Variants in RCL1 observed in about 807,000 individuals in gnomAD.
RCL1 encodes RNA 3'-terminal phosphate cyclase-like protein.
In RCL1, 24 loss-of-function variants were observed where a neutral mutation model predicts 42.4. The observed-to-expected ratio is 0.57, with a 90% CI of 0.41 to 0.80. RCL1 has a LOEUF of 0.80. Ranked by LOEUF, RCL1 falls within the 30% of genes least tolerant of loss-of-function variation. The probability of loss-of-function intolerance (pLI) is 0.00; values close to 1 mark genes in which losing one functional copy is unlikely to be tolerated. For synonymous variants in RCL1, 228 were observed against 177.3 expected, an observed-to-expected ratio of 1.29 and a Z score of -2.27; for missense variants, 578 against 467.9, an observed-to-expected ratio of 1.24 and a Z score of -2.17.
intron 1 of RCL1, among the ~76,000 whole-genome samples, chr9:4,818,890 A>G (rs933114351): frequency 6.7e-6 from 1 of 149,608 alleles, no homozygotes; most frequent in Non-Finnish European, 1.5e-5. Flanking sequence ...AAAAAAAAAG[A>G]AAAAGAAATT....
chr9:4,826,094 G>A (rs1281091247), intron 2 of RCL1, among the ~76,000 whole-genome samples: 4 of 151,206 alleles, frequency 2.6e-5, no homozygotes, highest in Admixed American at 1.3e-4. Flanking sequence ...AAGAAAGAAA[G>A]AAAGAAAAAG....
chr9:4,807,615 G>A (rs765859818), intron 1 of RCL1, among the ~76,000 whole-genome samples: 1 of 152,138 alleles, frequency 6.6e-6, no homozygotes, highest in Non-Finnish European at 1.5e-5. Flanking sequence ...CGCCTCCCGG[G>A]TTCAAGTGAT....
intron 7 of RCL1, among the ~76,000 whole-genome samples, chr9:4,847,543 C>G (rs1817564472): frequency 6.6e-6 from 1 of 152,322 alleles, no homozygotes; most frequent in Admixed American, 6.5e-5. Context: ...TCACTGCCTG[C>G]CTCCCTGCTC....
At chr9:4,829,420 A>T (rs1265624131) in intron 3 of RCL1, among the ~76,000 whole-genome samples, 1 of 152,228 alleles carries the variant, frequency 6.6e-6, no homozygotes, top group Non-Finnish European at 1.5e-5. Context: ...CGTAAAGATC[A>T]TTCCCATTTG....
chr9:4,809,905 C>T (rs189058293), intron 1 of RCL1, among the ~76,000 whole-genome samples: 69 of 152,234 alleles, frequency 4.5e-4, no homozygotes, highest in Non-Finnish European at 8.4e-4. Context: ...CAACTTCCAC[C>T]TCCTGGGTTC....
intron 8 of RCL1, among the ~76,000 whole-genome samples, chr9:4,857,154 T>C (rs1817987981): frequency 6.6e-6 from 1 of 152,222 alleles, no homozygotes. Flanking sequence ...AAAGGTTTTT[T>C]AGTGTATTCA....
chr9:4,811,113 A>T (rs927562902), intron 1 of RCL1, among the ~76,000 whole-genome samples: 1 of 151,972 alleles, frequency 6.6e-6, no homozygotes. Flanking sequence ...CCCCATCTCC[A>T]CAAAAATAAA....
intron 6 of RCL1, among the ~76,000 whole-genome samples, chr9:4,842,047 C>T (rs987549994): frequency 6.6e-6 from 1 of 152,176 alleles, no homozygotes; most frequent in Non-Finnish European, 1.5e-5. Context: ...ACAGTGAACA[C>T]GGAGATATAC....
chr9:4,793,358 C>G, intron 1 of RCL1, 131 bp downstream of exon 1: 3 of 1,027,150 alleles, frequency 2.9e-6, no homozygotes, highest in Non-Finnish European at 3.9e-6. Flanking sequence ...GGGCAGGTGG[C>G]GCGTCGCCTC....
At chr9:4,815,350 TCA>T (rs1374530485) in intron 1 of RCL1, among the ~76,000 whole-genome samples, 1 of 152,222 alleles carries the variant, frequency 6.6e-6, no homozygotes, top group African/African-American at 2.4e-5. Context: ...AGACTTATCT[TCA>T]AGTTCAGAGA....
At chr9:4,805,671 C>T (rs1362560620) in intron 1 of RCL1, among the ~76,000 whole-genome samples, 1 of 152,058 alleles carries the variant, frequency 6.6e-6, no homozygotes, top group African/African-American at 2.4e-5. Flanking sequence ...AGGTGACTGG[C>T]AGTGGTGGGT....
At chr9:4,821,756 A>T (rs1161176610) in intron 1 of RCL1, among the ~76,000 whole-genome samples, 1 of 152,198 alleles carries the variant, frequency 6.6e-6, no homozygotes, top group Admixed American at 6.5e-5. Flanking sequence ...CTGGGACTAC[A>T]GATACACACC....
At chr9:4,854,802 A>G (rs567458698) in intron 8 of RCL1, among the ~76,000 whole-genome samples, 1 of 152,246 alleles carries the variant, frequency 6.6e-6, no homozygotes, top group South Asian at 2.1e-4. Flanking sequence ...CACACCTGTA[A>G]TCCCAGCACT....
chr9:4,849,722 A>G (rs1010089259), intron 8 of RCL1, among the ~76,000 whole-genome samples, 172 bp downstream of exon 8: 25 of 152,234 alleles, frequency 1.6e-4, no homozygotes, highest in African/African-American at 5.5e-4. Context: ...TTTACATACA[A>G]GGATTTTTGC....
rs188147905 is a variant in RCL1 at position 4,816,667 on chromosome 9, A to G, written c.137-6881A>G. Among the ~76,000 whole-genome samples, 9 of 152,330 alleles carry G rather than the reference A, an allele frequency of 5.9e-5. No individual in the cohort carries two copies. In the East Asian group the frequency reaches 1.5e-3, roughly 26 times the overall value. On this transcript the variant is annotated intron_variant, in intron 1 of 8. Coordinates refer to ENST00000381750, the MANE Select transcript of RCL1 (RefSeq NM_005772.5). ...TTTTAAAAATGTGTAATTTAAGAAT[A>G]ACATACTTTCTGAGATGTTATTTAA...
Position 4,860,495 on chromosome 9 carries a change from C to T in RCL1, c.*220C>T. Reference sequence around the variant, plus strand: ...CCATTGCCCAGGAGGGGCCCAGTCACCATGAGAGCTCCCTTGCCTTACCTG... The same window carrying T: ...CCATTGCCCAGGAGGGGCCCAGTCATCATGAGAGCTCCCTTGCCTTACCTG... On this transcript the variant is annotated 3_prime_UTR_variant, in exon 9 of 9. Coordinates refer to ENST00000381750, the MANE Select transcript of RCL1 (RefSeq NM_005772.5). 5.8e-6 allele frequency: 3 copies of T among 515,752 alleles called. No individual in the cohort carries two copies. The South Asian group carries it at 8.6e-5, about 15-fold the overall frequency. 31.9% of individuals were successfully genotyped at this position (515,752 alleles called of 1,614,324 possible). A position where few individuals can be genotyped will look rare whatever the true frequency, so the allele number is the denominator to read the frequency against.
chr9:4,843,885 G>A (rs1817417498), intron 6 of RCL1, among the ~76,000 whole-genome samples: 1 of 152,178 alleles, frequency 6.6e-6, no homozygotes, highest in East Asian at 1.9e-4. Flanking sequence ...ATGATGATAG[G>A]TGGATAGCAC....
intron 6 of RCL1, among the ~76,000 whole-genome samples, chr9:4,842,475 C>A (rs182707403): frequency 1.3e-5 from 2 of 152,134 alleles, no homozygotes; most frequent in Non-Finnish European, 2.9e-5. Context: ...GGCGTCATAA[C>A]GCTGGGGTTG....
chr9:4,831,891 G>C (rs1368800573), intron 3 of RCL1, among the ~76,000 whole-genome samples: 1 of 152,200 alleles, frequency 6.6e-6, no homozygotes, highest in African/African-American at 2.4e-5. Context: ...CCTTGCCTTA[G>C]AGATAAGGAA....
Sources: allele counts gnomAD v4.1 joint callset (sites outside exome capture counted in the v4.1 genomes callset), GRCh38; gene constraint gnomAD v4.1.1; transcripts MANE v1.5; gene names NCBI Gene and HGNC (gene_info 2026-07-23, HGNC 2026-07-21).